Variants in POMT1 observed in about 807,000 individuals in gnomAD.
POMT1 encodes the protein protein O-mannosyltransferase 1, also known as protein O-mannosyl-transferase 1.
A neutral mutation model predicts 101.6 loss-of-function variants in POMT1; 85 were observed. The ratio of observed to expected loss-of-function variants is 0.84; its 90% CI spans 0.70 to 1.00. POMT1 has a LOEUF of 1.00. POMT1 is among the 50% of genes least tolerant of loss of function. The pLI is 0.00. For missense variants in POMT1, 857 were observed against 930.4 expected (o/e 0.92, Z 1.03); for synonymous variants, 371 against 383.0 (o/e 0.97, Z 0.37).
At position 131,513,345 on chromosome 9, in the gene POMT1, C is replaced by T. The variant is rs760006624; in HGVS notation, c.1175+14C>T. On this transcript the variant is annotated intron_variant, in intron 12 of 19. Transcript: ENST00000402686. ...CTCCCTGAACACGTGAGTGTGCCCG[C>T]CGTCTGCTCTGCTGCACCTGTGGGT... 3 of 1,606,620 alleles carry T rather than the reference C, an allele frequency of 1.9e-6. No individual in the cohort carries two copies. The highest frequency in any genetic ancestry group is 1.7e-5 in the Admixed American group (1 of 59,642).
chr9:131,515,686 GGACAC>G (rs1321480862), intron 13 of POMT1, among the ~76,000 whole-genome samples, 164 bp downstream of exon 13: 1 of 150,510 alleles, frequency 6.6e-6, no homozygotes, highest in African/African-American at 2.5e-5. Flanking sequence ...CTCTAACACA[GGACAC>G]TTCCTCACAC....
At chr9:131,520,575 G>A (rs10751485) in intron 17 of POMT1, among the ~76,000 whole-genome samples, 144,751 of 152,298 alleles carry the variant, frequency 0.95, 69,254 homozygotes, top group East Asian at 1. Flanking sequence ...TAGGCCGGGC[G>A]CACAGTCAGC....
At chr9:131,508,304 G>A (rs1588357567) in intron 5 of POMT1, among the ~76,000 whole-genome samples, 1 of 151,848 alleles carries the variant, frequency 6.6e-6, no homozygotes, top group South Asian at 2.1e-4. Context: ...AGGCTGAGGC[G>A]GGTGGATCAC....
intron 5 of POMT1, among the ~76,000 whole-genome samples, chr9:131,508,136 C>A (rs529543260): frequency 6.6e-6 from 1 of 152,158 alleles, no homozygotes; most frequent in African/African-American, 2.4e-5. Flanking sequence ...ACTTGGGAGG[C>A]TGAGGCAGGA....
chr9:131,516,208 A>AGAGCACTTCCTCACACG (rs1484569287), intron 13 of POMT1, among the ~76,000 whole-genome samples: 9 of 117,300 alleles, frequency 7.7e-5, no homozygotes, highest in Non-Finnish European at 1.3e-4. Flanking sequence ...TTCCTCACAC[A>AGAGCACTTCCTCACACG]GAGCACTTCC....
At chr9:131,509,648 C>T (rs1946652902) in intron 6 of POMT1, 95 bp from the exon 7 acceptor site, 1 of 1,610,926 alleles carries the variant, frequency 6.2e-7, no homozygotes, top group Non-Finnish European at 8.5e-7. Context: ...GCCAGCCGAC[C>T]CAGAAAGATT....
chr9:131,516,373 CTAACAGA>C (rs1948667009), intron 13 of POMT1, among the ~76,000 whole-genome samples: 1 of 147,230 alleles, frequency 6.8e-6, no homozygotes, highest in Admixed American at 6.7e-5. Context: ...AGCACTTCCT[CTAACAGA>C]ACACTTCCTC....
intron 17 of POMT1, among the ~76,000 whole-genome samples, chr9:131,520,529 G>A (rs1486034885): frequency 1.3e-5 from 2 of 152,170 alleles, no homozygotes; most frequent in African/African-American, 4.8e-5. Flanking sequence ...GCTGATGTGC[G>A]TGCCGTCTCT....
chr9:131,509,911 A>G lies in POMT1; in HGVS notation c.614A>G (p.Tyr205Cys), dbSNP rs1312643563. The change falls in exon 8 of 20, where the codon TAC (tyrosine) becomes TGC (cysteine). Residue 205 changes from tyrosine (Y) to cysteine (C), a missense_variant. By Grantham distance (194) the Tyr-to-Cys change is radical (BLOSUM62 -2). Transcript: ENST00000402686. ...CTGTCATGTCTTTGCAGCATCAAGT[A>G]CATGGGTGTGTTCACGTACGTGCTC... is the stretch of plus-strand genomic sequence containing the variant. ...VACSCAVGIK[Y>C]MGVFTYVLVL... The G allele has an allele frequency of 2.5e-6, 4 of 1,614,104 alleles. No individual in the cohort carries two copies. Among genetic ancestry groups the G allele is most frequent in the African/African-American group, 1.3e-5 (1 of 74,940 alleles).
At chr9:131,506,316 T>C (rs1431017835) in intron 3 of POMT1, 87 bp from the exon 4 acceptor site, 1 of 1,552,926 alleles carries the variant, frequency 6.4e-7, no homozygotes, top group Admixed American at 1.7e-5. Context: ...CCAGGTCTTA[T>C]TATTGATGCA....
intron 18 of POMT1, 80 bp from the exon 19 acceptor site, chr9:131,521,967 C>T: frequency 6.2e-7 from 1 of 1,601,092 alleles, no homozygotes; most frequent in Non-Finnish European, 8.5e-7. Context: ...TAAGAACCCT[C>T]TCTCTAAAAA....
At chr9:131,507,251 G>A (rs1046635188) in intron 4 of POMT1, 117 bp from the exon 5 acceptor site, 229 of 1,526,782 alleles carry the variant, frequency 1.5e-4, no homozygotes, top group Non-Finnish European at 1.5e-4. Context: ...CCCCAGTTTT[G>A]TAAACGTGCA....
Position 131,519,608 on chromosome 9 carries a change from C to A in POMT1, c.1584+122C>A. On this transcript the variant is annotated intron_variant, in intron 16 of 19. Coordinates refer to ENST00000402686, the MANE Select transcript of POMT1 (RefSeq NM_001077365.2). This position sits in a 1 kb window ranked among gnomAD's most constrained non-coding sequence, Gnocchi z 4.3. ...CTTTGACGCTGGAGCTACAGGCTCA[C>A]AACAGAATGAGTGTCTCCTCTCTCC... is the stretch of plus-strand genomic sequence containing the variant. 1 of 939,786 alleles carries A rather than the reference C, an allele frequency of 1.1e-6. No individual in the cohort carries two copies. Among genetic ancestry groups the A allele is most frequent in the Non-Finnish European group, 1.7e-6 (1 of 605,566 alleles). 58.2% of individuals were successfully genotyped at this position (939,786 alleles called of 1,614,324 possible). A position where few individuals can be genotyped will look rare whatever the true frequency, so the allele number is the denominator to read the frequency against.
rs1945089165 is a variant in POMT1 at position 131,503,689 on chromosome 9, G to T, written c.-30-500G>T. Among the ~76,000 whole-genome samples the T allele has an allele frequency of 6.6e-6, 1 of 152,196 alleles. No individual in the cohort carries two copies. The highest frequency in any genetic ancestry group is 1.5e-5 in the Non-Finnish European group (1 of 68,018). On this transcript the variant is annotated intron_variant, in intron 1 of 19. Coordinates refer to ENST00000402686, the MANE Select transcript of POMT1 (RefSeq NM_001077365.2). The surrounding 1 kb of genome is among the most constrained non-coding windows in gnomAD (Gnocchi z 4.4). The stretch of plus-strand genomic sequence containing the variant: ...CTCCAGGCGAGAAAGGGAGCACCCG[G>T]GGATGATGTGCCGCTGGGATAGAAG...
rs749458250 is a variant in POMT1 at position 131,518,852 on chromosome 9, C to T, written c.1381C>T (p.Leu461Phe). The T allele has an allele frequency of 9.3e-6, 15 of 1,613,888 alleles. No homozygotes were observed. The East Asian group carries it at 3.3e-4, about 36-fold the overall frequency. The change falls in exon 15 of 20, where the codon CTC becomes TTC. Residue 461 changes from leucine (L) to phenylalanine (F), a missense_variant. Leu to Phe is a conservative substitution (Grantham distance 22). Coordinates refer to ENST00000402686, the MANE Select transcript of POMT1 (RefSeq NM_001077365.2). The stretch of plus-strand genomic sequence containing the variant: ...GTGTCACCAGCTGAGCGGGGCTCAC[C>T]TCCCTGACTGGGGGTATCGGCAACT... ...SAVLKLSGAH[L>F]PDWGYRQLEI... is the part of the protein sequence containing the mutation.
At chr9:131,505,871 A>G (rs1945697152) in intron 2 of POMT1, among the ~76,000 whole-genome samples, 1 of 151,972 alleles carries the variant, frequency 6.6e-6, no homozygotes, top group Non-Finnish European at 1.5e-5. Flanking sequence ...GAGAGACAGA[A>G]TCTGTATGGG....
rs187150052 is a variant in POMT1 at position 131,503,485 on chromosome 9, G to T, written c.-31+412G>T. ...GGCGCTCAAGGCAGATGCAGCTCAG[G>T]GAGGGAAGGGCGCGTCCAGGGTAGA... is the stretch of plus-strand genomic sequence containing the variant. On this transcript the variant is annotated intron_variant, in intron 1 of 19. Transcript: ENST00000402686. This position sits in a 1 kb window ranked among gnomAD's most constrained non-coding sequence, Gnocchi z 4.4. Among the ~76,000 whole-genome samples, 239 of 152,322 alleles carry T rather than the reference G, an allele frequency of 1.6e-3. 4 individuals carry two copies. The highest frequency in any genetic ancestry group is 3.9e-3 in the South Asian group (19 of 4,828).
At chr9:131,512,926 CA>C (rs938667964) in intron 11 of POMT1, among the ~76,000 whole-genome samples, 3 of 138,020 alleles carry the variant, frequency 2.2e-5, no homozygotes, top group African/African-American at 8.0e-5. Flanking sequence ...CATACACTTT[CA>C]TTGGTGGAAT....
At chr9:131,511,058 A>T in intron 9 of POMT1, 1 of 381,416 alleles carries the variant, frequency 2.6e-6, no homozygotes, top group Non-Finnish European at 4.8e-6. Flanking sequence ...AGACATCATC[A>T]TTGCTCTTAC....
Sources: gnomAD v4.1 joint callset for allele counts (sites outside exome capture counted in the v4.1 genomes callset) on GRCh38, gnomAD v4.1.1 for gene constraint, Gnocchi (gnomAD v3.1) non-coding constraint, MANE v1.5 for transcripts, NCBI Gene and HGNC (gene_info 2026-07-23, HGNC 2026-07-21) for gene names.